CRLS1: variants seen among roughly 807,000 people sequenced by gnomAD.
The protein encoded by CRLS1 is cardiolipin synthase (CMP-forming).
A neutral mutation model predicts 37.0 loss-of-function variants in CRLS1; 24 were observed. The ratio of observed to expected loss-of-function variants is 0.65; its 90% CI spans 0.47 to 0.91. The LOEUF (loss-of-function observed/expected upper bound fraction) is 0.91. Among genes scored for constraint, CRLS1 ranks in the 40% least tolerant of loss-of-function variants. The pLI is 0.00. For synonymous variants in CRLS1, 135 were observed against 159.7 expected (o/e 0.85, Z 1.17); for missense variants, 373 against 395.8 (o/e 0.94, Z 0.49).
chr20:6,033,488 G>A (rs1980334083), intron 5 of CRLS1, among the ~76,000 whole-genome samples: 1 of 152,102 alleles, frequency 6.6e-6, no homozygotes, highest in Non-Finnish European at 1.5e-5. Flanking sequence ...TGCAGAACGG[G>A]TGATAGAACA....
At chr20:6,021,214 G>A (rs769228950) in intron 3 of CRLS1, among the ~76,000 whole-genome samples, 20 of 151,756 alleles carry the variant, frequency 1.3e-4, no homozygotes, top group South Asian at 4.2e-4. Context: ...TTACAGGTGC[G>A]TGCCACCATG....
At chr20:6,033,912 T>G (rs917735148) in intron 5 of CRLS1, among the ~76,000 whole-genome samples, 3 of 152,160 alleles carry the variant, frequency 2.0e-5, no homozygotes, top group Non-Finnish European at 4.4e-5. Context: ...TCCCAAAGTG[T>G]TGGGATTGCA....
At chr20:6,028,060 A>T (rs1429739694) in intron 3 of CRLS1, among the ~76,000 whole-genome samples, 1 of 152,224 alleles carries the variant, frequency 6.6e-6, no homozygotes, top group African/African-American at 2.4e-5. Context: ...AATTTTGGAA[A>T]GTAGAATGAT....
chr20:6,006,092 T>G, upstream of CRLS1: 16 of 393,628 alleles, frequency 4.1e-5, no homozygotes, highest in Non-Finnish European at 6.0e-5. Context: ...CTGCCACCTG[T>G]ATAAGTGGAG....
upstream of CRLS1, chr20:6,006,037 C>T (rs1281146154): frequency 8.4e-6 from 3 of 355,946 alleles, no homozygotes; most frequent in African/African-American, 2.1e-5. Flanking sequence ...CCGACGACGA[C>T]GGTGTCGTAA....
intron 2 of CRLS1, among the ~76,000 whole-genome samples, chr20:6,012,510 C>G (rs1978402328): frequency 6.6e-6 from 1 of 151,850 alleles, no homozygotes; most frequent in Non-Finnish European, 1.5e-5. Context: ...TGGGAGGAGT[C>G]AAATATGAAT....
At chr20:6,016,502 A>G (rs1978764482) in intron 3 of CRLS1, among the ~76,000 whole-genome samples, 1 of 151,632 alleles carries the variant, frequency 6.6e-6, no homozygotes, top group Non-Finnish European at 1.5e-5. Flanking sequence ...CTGGTCTCGA[A>G]CTTCTGGGAT....
At chr20:6,017,981 G>A (rs6133281) in intron 3 of CRLS1, among the ~76,000 whole-genome samples, 72,596 of 151,786 alleles carry the variant, frequency 0.48, 17,718 homozygotes, top group East Asian at 0.58. Flanking sequence ...ACTTTGGGGG[G>A]CTGAGGTGGG....
chr20:6,037,352 G>A lies in CRLS1; in HGVS notation c.*194G>A, dbSNP rs1980632778. ...CATGGGAATATGCAGAATTTCCAAT[G>A]TATTTTTAAATACAAATAAAATTGT... On this transcript the variant is annotated 3_prime_UTR_variant, in exon 7 of 7. Transcript: ENST00000378863. The A allele has an allele frequency of 5.4e-6, 2 of 373,410 alleles. No individual in the cohort carries two copies. Among genetic ancestry groups the A allele is most frequent in the Non-Finnish European group, 9.5e-6 (2 of 210,618 alleles). The allele number at this position is 373,410 out of a possible 1,614,324, so 23.1% of individuals were successfully genotyped here.
At chr20:6,027,502 A>G (rs574740955) in intron 3 of CRLS1, among the ~76,000 whole-genome samples, 26 of 151,814 alleles carry the variant, frequency 1.7e-4, no homozygotes, top group Admixed American at 7.2e-4. Context: ...CTGCCTCCCA[A>G]TAACTTTCAA....
intron 3 of CRLS1, among the ~76,000 whole-genome samples, chr20:6,021,918 G>A (rs1391262311): frequency 6.6e-6 from 1 of 151,890 alleles, no homozygotes; most frequent in East Asian, 1.9e-4. Context: ...ACTCATTCTG[G>A]GCATGGGAGG....
chr20:6,030,400 T>A (rs1463687682), intron 3 of CRLS1, among the ~76,000 whole-genome samples: 1 of 152,026 alleles, frequency 6.6e-6, no homozygotes, highest in East Asian at 1.9e-4. Flanking sequence ...AAAACAGCAA[T>A]CCCTGGGAAG....
chr20:6,037,456 TA>T lies in CRLS1; in HGVS notation c.*303del. The T allele has an allele frequency of 5.1e-6, 1 of 197,068 alleles. No individual in the cohort carries two copies. The highest frequency in any genetic ancestry group is 1.0e-5 in the Non-Finnish European group (1 of 98,024). The allele number at this position is 197,068 out of a possible 1,614,324, so 12.2% of individuals were successfully genotyped here. ...TTGTCAGTCTTTTTTGTATGTTTTT[TA>T]AAAACATAGTCCAGAGCATGGGCAG... On this transcript the variant is annotated 3_prime_UTR_variant, in exon 7 of 7. Transcript: ENST00000378863.
intron 2 of CRLS1, among the ~76,000 whole-genome samples, chr20:6,011,572 C>CCT (rs1161298827): frequency 2.9e-4 from 8 of 27,852 alleles, no homozygotes; most frequent in African/African-American, 7.1e-4. Flanking sequence ...TTTGTCCCTG[C>CCT]TTTTTTTTTT....
chr20:6,036,986 A>T, intron 6 of CRLS1, 88 bp from the exon 7 acceptor site: 1 of 897,722 alleles, frequency 1.1e-6, no homozygotes, highest in Non-Finnish European at 1.7e-6. Context: ...TTTACATTTT[A>T]AATTCATTGC....
chr20:6,029,829 G>A (rs758990518), intron 3 of CRLS1, among the ~76,000 whole-genome samples: 42 of 152,184 alleles, frequency 2.8e-4, no homozygotes, highest in Admixed American at 1.1e-3. Flanking sequence ...GAGTGGATAA[G>A]CATTTTTTCT....
chr20:6,007,742 C>T (rs74456246), intron 1 of CRLS1, among the ~76,000 whole-genome samples: 2,800 of 152,228 alleles, frequency 0.018, 87 homozygotes, highest in African/African-American at 0.063. Flanking sequence ...GTTGCTGTAA[C>T]CTTTGATCAG....
chr20:6,006,777 C>T (rs2122892953), intron 1 of CRLS1: 6 of 985,398 alleles, frequency 6.1e-6, no homozygotes, highest in Middle Eastern at 5.2e-4. Flanking sequence ...TCCTCTCATC[C>T]CCCTTCTATC....
intron 3 of CRLS1, among the ~76,000 whole-genome samples, chr20:6,027,824 C>T (rs1301817757): frequency 6.6e-6 from 1 of 152,188 alleles, no homozygotes; most frequent in Non-Finnish European, 1.5e-5. Flanking sequence ...CACAGGGAGC[C>T]ACAGCCCTAG....
Sources: allele counts gnomAD v4.1 joint callset (sites outside exome capture counted in the v4.1 genomes callset), GRCh38; gene constraint gnomAD v4.1.1; transcripts MANE v1.5; gene names NCBI Gene and HGNC (gene_info 2026-07-23, HGNC 2026-07-21).